The following PDE3A variants were observed in gnomAD, a reference collection of about 807,000 sequenced individuals.
PDE3A encodes phosphodiesterase 3A.
In PDE3A, 43 loss-of-function variants were observed where a neutral mutation model predicts 98.3. That is an observed-to-expected ratio of 0.44 (90% CI 0.34 to 0.56). The LOEUF is 0.56. PDE3A is among the 20% of genes least tolerant of loss of function. The pLI, the probability that PDE3A is intolerant of heterozygous loss-of-function variation, is 0.01. For synonymous variants in PDE3A, 663 were observed against 567.9 expected (o/e 1.17, Z -2.38); for missense variants, 1,427 against 1,440.7 (o/e 0.99, Z 0.15).
intron 2 of PDE3A, among the ~76,000 whole-genome samples, chr12:20,571,373 T>C (rs1416273504): frequency 1.3e-5 from 2 of 152,142 alleles, no homozygotes; most frequent in Non-Finnish European, 2.9e-5. Context: ...GCAATAATAT[T>C]GTAAACTCTA....
At chr12:20,532,846 G>A (rs1279516801) in intron 1 of PDE3A, among the ~76,000 whole-genome samples, 1 of 151,944 alleles carries the variant, frequency 6.6e-6, no homozygotes, top group Non-Finnish European at 1.5e-5. Flanking sequence ...CCGCCACTAC[G>A]CCCGGCTAAC....
chr12:20,544,343 T>C (rs1323306304), intron 1 of PDE3A, among the ~76,000 whole-genome samples: 1 of 151,718 alleles, frequency 6.6e-6, no homozygotes, highest in Non-Finnish European at 1.5e-5. Flanking sequence ...ATAATTTATA[T>C]TTTGAGGTAA....
intron 2 of PDE3A, among the ~76,000 whole-genome samples, chr12:20,605,012 C>A: frequency 6.6e-6 from 1 of 152,070 alleles, no homozygotes; most frequent in Non-Finnish European, 1.5e-5. Context: ...GTTGTATCTC[C>A]CCTACTTAAA....
intron 1 of PDE3A, among the ~76,000 whole-genome samples, chr12:20,414,706 T>C (rs7300817): frequency 0.96 from 145,357 of 152,200 alleles, 69,760 homozygotes; most frequent in East Asian, 1. Context: ...GTTTCTGAGA[T>C]GATCAATTCT....
chr12:20,380,603 A>C (rs1943646984), intron 1 of PDE3A, among the ~76,000 whole-genome samples: 1 of 151,822 alleles, frequency 6.6e-6, no homozygotes, highest in Non-Finnish European at 1.5e-5. Context: ...GCAGATGATC[A>C]TGACATTAGA....
At position 20,552,573 on chromosome 12, in the gene PDE3A, G is replaced by A. The variant is rs548182880; in HGVS notation, c.961-4087G>A. On this transcript the variant is annotated intron_variant, in intron 1 of 15. Coordinates refer to ENST00000359062, the MANE Select transcript of PDE3A (RefSeq NM_000921.5). This position sits in a 1 kb window ranked among gnomAD's most constrained non-coding sequence, Gnocchi z 5.1. ...CCAGGACGGGCAAGGGCAAGTGGAA[G>A]CGGAAGTCGGCAGGAGGTGGCCCGA... 3.7e-6 allele frequency: 6 copies of A among 1,613,818 alleles called. No homozygotes were observed. The Admixed American group carries it at 8.3e-5, about 22-fold the overall frequency.
At chr12:20,669,722 C>T (rs1286646321) in intron 15 of PDE3A, among the ~76,000 whole-genome samples, 3 of 152,036 alleles carry the variant, frequency 2.0e-5, no homozygotes, top group Non-Finnish European at 4.4e-5. Context: ...AAAGGAACAA[C>T]CAGTACCAGC....
At chr12:20,378,157 A>G (rs944869431) in intron 1 of PDE3A, among the ~76,000 whole-genome samples, 1 of 151,720 alleles carries the variant, frequency 6.6e-6, no homozygotes, top group African/African-American at 2.4e-5. Context: ...AGATTTTGAT[A>G]GTGTGGAATT....
Position 20,552,231 on chromosome 12 carries a change from G to A in PDE3A, c.961-4429G>A. On this transcript the variant is annotated intron_variant, in intron 1 of 15. Coordinates refer to ENST00000359062, the MANE Select transcript of PDE3A (RefSeq NM_000921.5). The surrounding 1 kb of genome is among the most constrained non-coding windows in gnomAD (Gnocchi z 5.1). Reference sequence around the variant, plus strand: ...ACTGGCGGTCGGGGAAGCCGGTCAGGGTGGTGCGCAATGTCAAGGGTGGCA... The same window carrying A: ...ACTGGCGGTCGGGGAAGCCGGTCAGAGTGGTGCGCAATGTCAAGGGTGGCA... 4.3e-6 allele frequency: 7 copies of A among 1,613,994 alleles called. No homozygotes were observed. The South Asian group carries it at 5.5e-5, about 13-fold the overall frequency.
chr12:20,542,018 G>A (rs1239374996), intron 1 of PDE3A, among the ~76,000 whole-genome samples: 2 of 152,040 alleles, frequency 1.3e-5, no homozygotes, highest in Non-Finnish European at 2.9e-5. Flanking sequence ...AAAGCCAAGG[G>A]TCGCGTAATG....
Position 20,677,108 on chromosome 12 carries a change from C to G in PDE3A, c.3185-2922C>G, listed in dbSNP as rs559769309. Reference sequence around the variant, plus strand: ...CTTCAAATTCTGATTCTTTCTTCAACTTGATATAGTCTATTGTTAAAACTT... The same window carrying G: ...CTTCAAATTCTGATTCTTTCTTCAAGTTGATATAGTCTATTGTTAAAACTT... On this transcript the variant is annotated intron_variant, in intron 15 of 15. Transcript: ENST00000359062. Among the ~76,000 whole-genome samples, 10 of 152,218 alleles carry G rather than the reference C, an allele frequency of 6.6e-5. No homozygotes were observed. The East Asian group carries it at 1.9e-3, about 29-fold the overall frequency.
chr12:20,412,756 C>G (rs1056804710), intron 1 of PDE3A, among the ~76,000 whole-genome samples: 1 of 152,126 alleles, frequency 6.6e-6, no homozygotes, highest in Non-Finnish European at 1.5e-5. Flanking sequence ...ACCTTAAACT[C>G]AAGGTAGTCG....
Position 20,545,080 on chromosome 12 carries a change from T to C in PDE3A, c.961-11580T>C, listed in dbSNP as rs545543208. Among the ~76,000 whole-genome samples, 3 of 152,212 alleles carry C rather than the reference T, an allele frequency of 2.0e-5. No individual in the cohort carries two copies. The South Asian group carries it at 6.2e-4, about 32-fold the overall frequency. On this transcript the variant is annotated intron_variant, in intron 1 of 15. Transcript: ENST00000359062. ...AACTTAAGCATGAGACTGATGTGAT[T>C]ACATTATTATTAATAGTCTCCAAAA...
At chr12:20,601,525 AT>A (rs1340836076) in intron 2 of PDE3A, among the ~76,000 whole-genome samples, 2 of 152,204 alleles carry the variant, frequency 1.3e-5, no homozygotes, top group African/African-American at 4.8e-5. Flanking sequence ...TTGTGTTAAT[AT>A]TTTAATCACA....
intron 1 of PDE3A, among the ~76,000 whole-genome samples, chr12:20,471,981 G>A (rs1057141906): frequency 2.0e-5 from 3 of 152,134 alleles, no homozygotes; most frequent in African/African-American, 7.2e-5. Flanking sequence ...GCCACCCTAT[G>A]GTCATCCTGG....
At chr12:20,383,136 G>A (rs1943691318) in intron 1 of PDE3A, among the ~76,000 whole-genome samples, 1 of 151,848 alleles carries the variant, frequency 6.6e-6, no homozygotes, top group Non-Finnish European at 1.5e-5. Flanking sequence ...GTCTTTGAAT[G>A]TCTTCGTAAA....
intron 1 of PDE3A, among the ~76,000 whole-genome samples, chr12:20,497,698 GAA>G (rs1945945482): frequency 6.6e-6 from 1 of 152,136 alleles, no homozygotes; most frequent in Admixed American, 6.6e-5. Flanking sequence ...GAGATGGAAA[GAA>G]GAGTTCAGAG....
At chr12:20,414,535 T>G (rs1165881491) in intron 1 of PDE3A, among the ~76,000 whole-genome samples, 6 of 152,232 alleles carry the variant, frequency 3.9e-5, no homozygotes, top group Non-Finnish European at 8.8e-5. Context: ...CTGAATTGAA[T>G]TATATATTGC....
chr12:20,472,694 A>G (rs753153057), intron 1 of PDE3A, among the ~76,000 whole-genome samples: 7 of 152,202 alleles, frequency 4.6e-5, no homozygotes, highest in African/African-American at 1.2e-4. Flanking sequence ...AGTTTAAATC[A>G]TATCAGGGTT....
Sources: allele counts gnomAD v4.1 joint callset (sites outside exome capture counted in the v4.1 genomes callset), GRCh38; gene constraint gnomAD v4.1.1; non-coding constraint Gnocchi (gnomAD v3.1); transcripts MANE v1.5; gene names NCBI Gene and HGNC (gene_info 2026-07-23, HGNC 2026-07-21).